SPINT2: variants seen among roughly 807,000 people sequenced by gnomAD.
The protein encoded by SPINT2 is serine peptidase inhibitor, Kunitz type 2, also known as kunitz-type protease inhibitor 2.
A neutral mutation model predicts 30.1 loss-of-function variants in SPINT2; 18 were observed. The observed-to-expected ratio is 0.60, with a 90% CI of 0.41 to 0.89. The LOEUF (loss-of-function observed/expected upper bound fraction) is 0.89. SPINT2 is among the 40% of genes least tolerant of loss of function. The probability of loss-of-function intolerance (pLI) is 0.00; values close to 1 mark genes in which losing one functional copy is unlikely to be tolerated. For synonymous variants in SPINT2, 139 were observed against 137.9 expected, an observed-to-expected ratio of 1.01 and a Z score of -0.05; for missense variants, 276 against 334.3, an observed-to-expected ratio of 0.83 and a Z score of 1.36.
chr19:38,286,660 G>A (rs1480646946), intron 2 of SPINT2, among the ~76,000 whole-genome samples: 1 of 152,178 alleles, frequency 6.6e-6, no homozygotes, highest in Non-Finnish European at 1.5e-5. Flanking sequence ...GCGGGCGCCT[G>A]TGGTCCCAGC....
At chr19:38,265,199 G>C in intron 1 of SPINT2, 1 of 548,118 alleles carries the variant, frequency 1.8e-6, no homozygotes, top group Non-Finnish European at 3.2e-6. Flanking sequence ...ACGGGCGGAG[G>C]AGCGAGGGTT....
At chr19:38,277,695 A>G (rs1476449922) in intron 1 of SPINT2, among the ~76,000 whole-genome samples, 1 of 152,226 alleles carries the variant, frequency 6.6e-6, no homozygotes, top group Non-Finnish European at 1.5e-5. Flanking sequence ...AACACATTCA[A>G]AGACCAGTTT....
At chr19:38,276,564 C>T (rs1455890495) in intron 1 of SPINT2, among the ~76,000 whole-genome samples, 1 of 151,834 alleles carries the variant, frequency 6.6e-6, no homozygotes, top group African/African-American at 2.4e-5. Flanking sequence ...ATGGCGTGAA[C>T]CCAGGAGGCG....
intron 3 of SPINT2, 183 bp from the exon 4 acceptor site, chr19:38,288,955 T>C: frequency 1.6e-6 from 1 of 620,372 alleles, no homozygotes; most frequent in South Asian, 1.8e-5. Context: ...TCCAGCACTC[T>C]CAGTGTGTGC....
chr19:38,286,402 C>T (rs1386876295), intron 2 of SPINT2, among the ~76,000 whole-genome samples: 1 of 152,226 alleles, frequency 6.6e-6, no homozygotes, highest in Non-Finnish European at 1.5e-5. Context: ...CGTTTAATAG[C>T]ATCAGGCTAG....
At chr19:38,284,034 G>A (rs1001800882) in intron 2 of SPINT2, among the ~76,000 whole-genome samples, 2 of 151,760 alleles carry the variant, frequency 1.3e-5, no homozygotes, top group Admixed American at 1.3e-4. Flanking sequence ...GTAGAGACAT[G>A]GTTTCACCTT....
chr19:38,268,743 CAGAG>C lies in SPINT2; in HGVS notation c.106+3752_106+3755del, dbSNP rs535550049. On this transcript the variant is annotated intron_variant, in intron 1 of 6. Coordinates refer to ENST00000301244, the MANE Select transcript of SPINT2 (RefSeq NM_021102.4). ...ATAAATTGCACATTACAGTGTGAGA[CAGAG>C]AGAGAGCATGCGCGCGCGCGTGTGT... Among the ~76,000 whole-genome samples the C allele has an allele frequency of 2.5e-3, 361 of 143,972 alleles. 1 individual carries two copies. The highest frequency in any genetic ancestry group is 5.7e-3 in the African/African-American group (223 of 39,238). 94.5% of individuals were successfully genotyped at this position (143,972 alleles called of 152,430 possible). A position where few individuals can be genotyped will look rare whatever the true frequency, so the allele number is the denominator to read the frequency against.
At chr19:38,273,106 ATAACT>A (rs1968476086) in intron 1 of SPINT2, among the ~76,000 whole-genome samples, 2 of 152,340 alleles carry the variant, frequency 1.3e-5, no homozygotes, top group South Asian at 4.1e-4. Context: ...TATGAGCCTC[ATAACT>A]TAAGTAGGAT....
At chr19:38,289,364 G>A in intron 4 of SPINT2, 173 bp downstream of exon 4, 1 of 562,862 alleles carries the variant, frequency 1.8e-6, no homozygotes, top group Non-Finnish European at 3.3e-6. Context: ...TGCACCTGTA[G>A]TCCCAGCTAC....
intron 3 of SPINT2, 95 bp from the exon 4 acceptor site, chr19:38,289,043 C>T: frequency 8.9e-7 from 1 of 1,127,644 alleles, no homozygotes; most frequent in Non-Finnish European, 1.4e-6. Context: ...AAAGGCGTGT[C>T]CACACTCCTC....
intron 2 of SPINT2, among the ~76,000 whole-genome samples, chr19:38,286,586 C>T (rs897426348): frequency 6.6e-6 from 1 of 152,138 alleles, no homozygotes; most frequent in Non-Finnish European, 1.5e-5. Flanking sequence ...CGAGACCATC[C>T]TGGCTAACAC....
At chr19:38,265,026 CG>C in intron 1 of SPINT2, 28 bp downstream of exon 1, 1 of 1,244,642 alleles carries the variant, frequency 8.0e-7, no homozygotes. Context: ...AGGCTGGAGG[CG>C]GGGCGCAGGG....
At chr19:38,268,586 T>C (rs117426056) in intron 1 of SPINT2, among the ~76,000 whole-genome samples, 169 of 152,350 alleles carry the variant, frequency 1.1e-3, no homozygotes, top group Non-Finnish European at 1.8e-3. Flanking sequence ...TGCCATTCCC[T>C]AGCCTGTAGA....
intron 1 of SPINT2, among the ~76,000 whole-genome samples, chr19:38,279,986 A>G (rs553664422): frequency 6.6e-6 from 1 of 152,216 alleles, no homozygotes; most frequent in African/African-American, 2.4e-5. Context: ...TCCTGGGACA[A>G]CAGTGAAGTT....
At chr19:38,270,688 G>C (rs1399278861) in intron 1 of SPINT2, among the ~76,000 whole-genome samples, 1 of 152,192 alleles carries the variant, frequency 6.6e-6, no homozygotes, top group African/African-American at 2.4e-5. Flanking sequence ...GTATTTGAGA[G>C]CTCAGCCTGC....
rs942991390 is a variant in SPINT2 at position 38,285,455 on chromosome 19, G to A, written c.277+1658G>A. ...CACCTCCTGGGTTCAAGTGATTCTC[G>A]TGCCTCAGCCTCTCAAGTAGCTGGG... On this transcript the variant is annotated intron_variant, in intron 2 of 6. Transcript: ENST00000301244. Among the ~76,000 whole-genome samples the A allele has an allele frequency of 2.6e-5, 4 of 152,104 alleles. No homozygotes were observed. In the South Asian group the frequency reaches 8.3e-4, roughly 32 times the overall value.
At chr19:38,265,140 CT>C (rs1968363012) in intron 1 of SPINT2, 142 bp downstream of exon 1, 1 of 734,202 alleles carries the variant, frequency 1.4e-6, no homozygotes, top group Admixed American at 2.8e-5. Context: ...GGAACCAGCC[CT>C]GGAGGATTGA....
intron 1 of SPINT2, among the ~76,000 whole-genome samples, chr19:38,283,416 G>A (rs1968603281): frequency 6.6e-6 from 1 of 152,162 alleles, no homozygotes; most frequent in Non-Finnish European, 1.5e-5. Flanking sequence ...CAGTGGGTGG[G>A]TTGCTGTCTT....
At chr19:38,267,131 T>C (rs1269325997) in intron 1 of SPINT2, among the ~76,000 whole-genome samples, 1 of 152,216 alleles carries the variant, frequency 6.6e-6, no homozygotes, top group Non-Finnish European at 1.5e-5. Flanking sequence ...CAGAGTGGCC[T>C]ACCTGACTGC....
Sources: gnomAD v4.1 joint callset for allele counts (sites outside exome capture counted in the v4.1 genomes callset) on GRCh38, gnomAD v4.1.1 for gene constraint, MANE v1.5 for transcripts, NCBI Gene and HGNC (gene_info 2026-07-23, HGNC 2026-07-21) for gene names.